SGK3: variants seen among roughly 807,000 people sequenced by gnomAD.
The protein encoded by SGK3 is serum/glucocorticoid regulated kinase family member 3.
A neutral mutation model predicts 68.5 loss-of-function variants in SGK3; 47 were observed. That is an observed-to-expected ratio of 0.69 (90% CI 0.54 to 0.87). The LOEUF (loss-of-function observed/expected upper bound fraction) is 0.87. SGK3 is among the 40% of genes least tolerant of loss of function. The pLI, the probability that SGK3 is intolerant of heterozygous loss-of-function variation, is 0.00. For synonymous variants in SGK3, 181 were observed against 189.1 expected, an observed-to-expected ratio of 0.96 and a Z score of 0.35; for missense variants, 479 against 575.5, an observed-to-expected ratio of 0.83 and a Z score of 1.72.
chr8:66,843,923 G>A (rs921091350), intron 14 of SGK3, among the ~76,000 whole-genome samples: 2 of 147,048 alleles, frequency 1.4e-5, no homozygotes, highest in East Asian at 4.0e-4. Context: ...GAACCCAGGA[G>A]GCAGAGTTTG....
chr8:66,821,131 C>A (rs186057452), intron 5 of SGK3, among the ~76,000 whole-genome samples: 1 of 152,074 alleles, frequency 6.6e-6, no homozygotes, highest in East Asian at 1.9e-4. Flanking sequence ...TTTAATTATT[C>A]CCCACAGTCG....
intron 4 of SGK3, among the ~76,000 whole-genome samples, chr8:66,806,769 G>T (rs575392173): frequency 3.4e-5 from 5 of 146,086 alleles, no homozygotes; most frequent in Admixed American, 2.8e-4. Context: ...AGCCAAGATC[G>T]CACCATTGCA....
chr8:66,745,380 G>T (rs112771494), intron 1 of SGK3, among the ~76,000 whole-genome samples: 3,569 of 151,958 alleles, frequency 0.023, 78 homozygotes, highest in South Asian at 0.053. Flanking sequence ...GACCATCCTG[G>T]CTAACTTGGT....
intron 2 of SGK3, among the ~76,000 whole-genome samples, chr8:66,794,338 G>T (rs930903853): frequency 6.6e-6 from 1 of 152,108 alleles, no homozygotes; most frequent in Non-Finnish European, 1.5e-5. Context: ...TAAGCACAAT[G>T]AATATTTGCT....
chr8:66,741,525 G>A (rs1412874371), intron 1 of SGK3, among the ~76,000 whole-genome samples: 3 of 151,952 alleles, frequency 2.0e-5, no homozygotes, highest in African/African-American at 7.3e-5. Context: ...ACTCCAGCCT[G>A]GACGACAGAG....
At chr8:66,757,642 C>A (rs1242023359) in intron 1 of SGK3, among the ~76,000 whole-genome samples, 1 of 151,732 alleles carries the variant, frequency 6.6e-6, no homozygotes, top group African/African-American at 2.4e-5. Context: ...TGGCCAGGTG[C>A]AGTGGCTCAC....
At chr8:66,744,498 TA>T (rs1805573885) in intron 1 of SGK3, among the ~76,000 whole-genome samples, 1 of 24,052 alleles carries the variant, frequency 4.2e-5, no homozygotes, top group Non-Finnish European at 9.0e-5. Context: ...TATATATATA[TA>T]TATATATATA....
At chr8:66,825,555 T>G (rs566681572) in intron 6 of SGK3, among the ~76,000 whole-genome samples, 14 of 152,204 alleles carry the variant, frequency 9.2e-5, no homozygotes, top group East Asian at 1.9e-4. Flanking sequence ...GGTCTCCATC[T>G]CCTGACCTCC....
chr8:66,799,831 C>T (rs1381899704), intron 3 of SGK3, among the ~76,000 whole-genome samples: 4 of 152,036 alleles, frequency 2.6e-5, no homozygotes, highest in African/African-American at 9.7e-5. Flanking sequence ...GCCATGTTGG[C>T]GAGGCTGGTC....
Position 66,860,570 on chromosome 8 carries a change from T to C in SGK3, c.*989T>C, listed in dbSNP as rs1164365395. ...GAAAAGGCTTAATGGTTAGGATTTT[T>C]AAGTATTCCCAAAGATCTGAAGGGT... On this transcript the variant is annotated 3_prime_UTR_variant, in exon 17 of 17. Coordinates refer to ENST00000521198, the MANE Select transcript of SGK3 (RefSeq NM_001033578.3). 1 of 152,240 alleles carries C rather than the reference T, an allele frequency of 6.6e-6. No individual in the cohort carries two copies. Among genetic ancestry groups the C allele is most frequent in the African/African-American group, 2.4e-5 (1 of 41,466 alleles). 9.4% of individuals were successfully genotyped at this position (152,240 alleles called of 1,614,324 possible).
At chr8:66,777,905 T>C (rs1253067588) in intron 1 of SGK3, 1 of 152,204 alleles carries the variant, frequency 6.6e-6, no homozygotes, top group Non-Finnish European at 1.5e-5. Context: ...TTCATGACAG[T>C]TTCTCTTTCT....
chr8:66,752,968 A>C (rs1253125085), intron 1 of SGK3, among the ~76,000 whole-genome samples: 1 of 152,164 alleles, frequency 6.6e-6, no homozygotes, highest in Non-Finnish European at 1.5e-5. Flanking sequence ...CTCCCACTTC[A>C]GCCTCCCAGA....
intron 1 of SGK3, among the ~76,000 whole-genome samples, chr8:66,771,156 A>G (rs1270327304): frequency 1.3e-5 from 2 of 151,966 alleles, no homozygotes; most frequent in African/African-American, 4.8e-5. Context: ...GTCACTTCAC[A>G]TTTTGAGGAG....
chr8:66,771,128 A>G (rs1273925551), intron 1 of SGK3, among the ~76,000 whole-genome samples: 1 of 152,154 alleles, frequency 6.6e-6, no homozygotes, highest in Non-Finnish European at 1.5e-5. Context: ...GAAGTCCCCT[A>G]AGGCCCCACT....
At chr8:66,828,504 A>T in intron 6 of SGK3, 150 bp from the exon 7 acceptor site, 1 of 952,736 alleles carries the variant, frequency 1.0e-6, no homozygotes, top group Non-Finnish European at 1.6e-6. Flanking sequence ...AAGTAAGTCT[A>T]TACCCTTACT....
chr8:66,801,509 A>G (rs1283656872), intron 3 of SGK3, among the ~76,000 whole-genome samples: 1 of 152,128 alleles, frequency 6.6e-6, no homozygotes, highest in Non-Finnish European at 1.5e-5. Context: ...AAACTCTTGA[A>G]TACCCATTAT....
intron 1 of SGK3, among the ~76,000 whole-genome samples, chr8:66,739,045 A>T (rs184983683): frequency 6.6e-6 from 1 of 152,292 alleles, no homozygotes; most frequent in East Asian, 1.9e-4. Context: ...ACCTCTGGAT[A>T]CATCTATCTT....
intron 1 of SGK3, among the ~76,000 whole-genome samples, chr8:66,779,070 T>A (rs906163889): frequency 5.3e-5 from 8 of 152,028 alleles, no homozygotes; most frequent in Non-Finnish European, 1.2e-4. Context: ...TGTTTAATCT[T>A]AAAAAAAACT....
At chr8:66,723,106 TA>T (rs1563595083) in intron 1 of SGK3, among the ~76,000 whole-genome samples, 8 of 39,974 alleles carry the variant, frequency 2.0e-4, no homozygotes, top group East Asian at 1.4e-3. Flanking sequence ...TATATATATA[TA>T]TATATATATA....
Sources: gnomAD v4.1 joint callset for allele counts (sites outside exome capture counted in the v4.1 genomes callset) on GRCh38, gnomAD v4.1.1 for gene constraint, MANE v1.5 for transcripts, NCBI Gene and HGNC (gene_info 2026-07-23, HGNC 2026-07-21) for gene names.